PRR14L: variants seen among roughly 807,000 people sequenced by gnomAD.
PRR14L encodes proline rich 14 like.
Under a neutral mutation model 155.0 loss-of-function variants are expected in PRR14L, and 80 were observed. The observed-to-expected ratio is 0.52, with a 90% CI of 0.43 to 0.62. The LOEUF (loss-of-function observed/expected upper bound fraction) is 0.62, where lower values mean the gene tolerates loss of function less well. Among genes scored for constraint, PRR14L ranks in the 20% least tolerant of loss-of-function variants. The pLI, the probability that PRR14L is intolerant of heterozygous loss-of-function variation, is 0.00. For missense variants in PRR14L, 2,469 were observed against 2,548.0 expected, an observed-to-expected ratio of 0.97 and a Z score of 0.67; for synonymous variants, 883 against 916.0, an observed-to-expected ratio of 0.96 and a Z score of 0.65.
Position 31,708,515 on chromosome 22 carries a change from C to T in PRR14L, c.5756+3568G>A, listed in dbSNP as rs1043606562. ...CTAATTTTCCTGTTTTTAGTAGAGACGAGGTTTCACCATGTTGGCTAGGCT... is the reference window on the plus strand; with the variant it reads ...CTAATTTTCCTGTTTTTAGTAGAGATGAGGTTTCACCATGTTGGCTAGGCT... On this transcript the variant is annotated intron_variant, in intron 4 of 8. Coordinates refer to ENST00000327423, the MANE Select transcript of PRR14L (RefSeq NM_173566.3). Among the ~76,000 whole-genome samples the T allele has an allele frequency of 6.6e-5, 10 of 151,828 alleles. No individual in the cohort carries two copies. In the East Asian group the frequency reaches 1.2e-3, roughly 18 times the overall value.
In PRR14L at chr22:31,681,504, A is replaced by G. The variant is rs915554415; in HGVS notation, c.*4023T>C. ...AAATTTCATTGAACTACTGACCATGATAATATATAAACATGTCAGGCAGCT... is the reference window on the plus strand; with the variant it reads ...AAATTTCATTGAACTACTGACCATGGTAATATATAAACATGTCAGGCAGCT... On this transcript the variant is annotated 3_prime_UTR_variant, in exon 9 of 9. Coordinates refer to ENST00000327423, the MANE Select transcript of PRR14L (RefSeq NM_173566.3). 6.6e-6 allele frequency: 1 copy of G among 152,170 alleles called. No individual in the cohort carries two copies. The highest frequency in any genetic ancestry group is 1.5e-5 in the Non-Finnish European group (1 of 68,020). 9.4% of individuals were successfully genotyped at this position (152,170 alleles called of 1,614,324 possible). A position where few individuals can be genotyped will look rare whatever the true frequency, so the allele number is the denominator to read the frequency against.
intron 4 of PRR14L, among the ~76,000 whole-genome samples, chr22:31,708,890 A>C (rs990730264): frequency 6.6e-6 from 1 of 151,832 alleles, no homozygotes; most frequent in African/African-American, 2.4e-5. Flanking sequence ...GCAATGGTGC[A>C]ATCTCGGCTC....
intron 5 of PRR14L, among the ~76,000 whole-genome samples, chr22:31,704,028 C>T (rs2074577089): frequency 6.6e-6 from 1 of 151,836 alleles, no homozygotes; most frequent in African/African-American, 2.4e-5. Context: ...ATCTCCCGAC[C>T]TTAGGTGATC....
At chr22:31,733,306 T>TTTTTC (rs1346904850) in intron 2 of PRR14L, among the ~76,000 whole-genome samples, 1 of 139,666 alleles carries the variant, frequency 7.2e-6, no homozygotes, top group African/African-American at 2.7e-5. Context: ...CTGTTTTTTT[T>TTTTTC]TTTTTTTTTT....
rs2074460289 is a variant in PRR14L at position 31,682,595 on chromosome 22, AAAAAAAC to A, written c.*2925_*2931del. 1 of 152,204 alleles carries A rather than the reference AAAAAAAC, an allele frequency of 6.6e-6. No homozygotes were observed. Among genetic ancestry groups the A allele is most frequent in the African/African-American group, 2.4e-5 (1 of 41,454 alleles). The allele number at this position is 152,204 out of a possible 1,614,324, so 9.4% of individuals were successfully genotyped here. On this transcript the variant is annotated 3_prime_UTR_variant, in exon 9 of 9. Coordinates refer to ENST00000327423, the MANE Select transcript of PRR14L (RefSeq NM_173566.3). ...CACAGCTAGAAACTGAAAGATGGAA[AAAAAAAC>A]AAAAAACAAAACACAGTTGAAAGTT...
At chr22:31,700,786 C>T (rs917697993) in intron 7 of PRR14L, among the ~76,000 whole-genome samples, 4 of 152,078 alleles carry the variant, frequency 2.6e-5, no homozygotes, top group African/African-American at 9.7e-5. Context: ...AAACTCCTGA[C>T]CTTGTGATCC....
chr22:31,688,321 G>C, intron 7 of PRR14L, 94 bp from the exon 8 acceptor site: 1 of 1,385,666 alleles, frequency 7.2e-7, no homozygotes, highest in Non-Finnish European at 9.4e-7. Flanking sequence ...GAAGGGCAGT[G>C]ACATGATCAT....
chr22:31,686,384 G>C (rs2074482930), intron 8 of PRR14L, among the ~76,000 whole-genome samples: 1 of 151,210 alleles, frequency 6.6e-6, no homozygotes, highest in Admixed American at 6.6e-5. Flanking sequence ...GGGATTACAG[G>C]TGTGAGCCAC....
At chr22:31,718,084 T>C (rs1441727489) in intron 3 of PRR14L, among the ~76,000 whole-genome samples, 2 of 146,876 alleles carry the variant, frequency 1.4e-5, no homozygotes, top group Non-Finnish European at 3.0e-5. Context: ...CCCGCCACCA[T>C]GCCCGCCTAA....
At position 31,704,647 on chromosome 22, in the gene PRR14L, G is replaced by A. The variant is rs753456628; in HGVS notation, c.5828+8C>T. On this transcript the variant is annotated splice_region_variant and intron_variant, in intron 5 of 8. Coordinates refer to ENST00000327423, the MANE Select transcript of PRR14L (RefSeq NM_173566.3). ...CGCGCACACACACGCTGAGTCTCAT[G>A]TGCTTACCTCGTCTGACTGCCGCTG... 4 of 1,612,550 alleles carry A rather than the reference G, an allele frequency of 2.5e-6. No homozygotes were observed. The highest frequency in any genetic ancestry group is 2.2e-5 in the East Asian group (1 of 44,870).
chr22:31,691,222 CT>C (rs1391489280), intron 7 of PRR14L, among the ~76,000 whole-genome samples: 2 of 152,144 alleles, frequency 1.3e-5, no homozygotes, highest in Admixed American at 1.3e-4. Flanking sequence ...CCACCTCGGC[CT>C]CCCATAGTGC....
chr22:31,715,587 G>C lies in PRR14L; in HGVS notation c.2252C>G (p.Thr751Arg). Reference protein sequence around the residue: ...ERKKEMADSGTKALHSRLRSN... With the variant: ...ERKKEMADSGRKALHSRLRSN... Reference sequence around the variant, plus strand: ...GCGCAGCCTGGAATGTAGAGCTTTTGTTCCTGAATCAGCCATTTCCTTTTT... The same window carrying C: ...GCGCAGCCTGGAATGTAGAGCTTTTCTTCCTGAATCAGCCATTTCCTTTTT... Residue 751 changes from threonine to arginine, a missense_variant, in exon 4 of 9, where the codon ACA becomes AGA. This residue lies in a region of PRR14L where 2,363 missense variants were observed against 2,371.6 expected (regional missense o/e 1.00). Coordinates refer to ENST00000327423, the MANE Select transcript of PRR14L (RefSeq NM_173566.3). 1 of 1,552,032 alleles carries C rather than the reference G, an allele frequency of 6.4e-7. No individual in the cohort carries two copies. The highest frequency in any genetic ancestry group is 8.7e-7 in the Non-Finnish European group (1 of 1,147,064).
At chr22:31,740,828 G>C (rs1350431554) in intron 1 of PRR14L, among the ~76,000 whole-genome samples, 3 of 152,152 alleles carry the variant, frequency 2.0e-5, no homozygotes, top group African/African-American at 7.2e-5. Context: ...AACACAGAAA[G>C]GCGAATTAAA....
At chr22:31,724,629 C>T (rs2074707400) in intron 3 of PRR14L, among the ~76,000 whole-genome samples, 1 of 152,190 alleles carries the variant, frequency 6.6e-6, no homozygotes, top group Admixed American at 6.5e-5. Flanking sequence ...AACTCTTGGA[C>T]TTAAGCAATC....
Position 31,713,847 on chromosome 22 carries a change from A to G in PRR14L, c.3992T>C (p.Ile1331Thr), listed in dbSNP as rs1447851683. The change falls in exon 4 of 9, where the codon ATT (isoleucine) becomes ACT (threonine). Residue 1331 changes from isoleucine (I) to threonine (T), a missense_variant. By Grantham distance (89) the Ile-to-Thr change is moderately conservative (BLOSUM62 -1). This residue lies in a region of PRR14L where 2,363 missense variants were observed against 2,371.6 expected (regional missense o/e 1.00). Transcript: ENST00000327423. Reference sequence around the variant, plus strand: ...TTCGGTTTCTTCTCCTTTCACTTTAATATCTGTTTTCACTGTCAAAGGCAA... The same window carrying G: ...TTCGGTTTCTTCTCCTTTCACTTTAGTATCTGTTTTCACTGTCAAAGGCAA... Reference protein sequence around the residue: ...RHLPLTVKTDIKVKGEETEEH... With the variant: ...RHLPLTVKTDTKVKGEETEEH... 9.7e-6 allele frequency: 15 copies of G among 1,552,248 alleles called. No homozygotes were observed. The highest frequency in any genetic ancestry group is 1.4e-5 in the African/African-American group (1 of 73,132).
At chr22:31,699,821 GC>G (rs1022501235) in intron 7 of PRR14L, among the ~76,000 whole-genome samples, 48 of 151,274 alleles carry the variant, frequency 3.2e-4, no homozygotes, top group African/African-American at 1.1e-3. Flanking sequence ...TAAATTATAT[GC>G]CCAGGCTTTT....
At chr22:31,733,733 T>A (rs1014730554) in intron 2 of PRR14L, among the ~76,000 whole-genome samples, 2 of 152,170 alleles carry the variant, frequency 1.3e-5, no homozygotes, top group African/African-American at 2.4e-5. Flanking sequence ...AATGTCTGTT[T>A]CCTCATAGCC....
At chr22:31,743,092 G>C (rs894733472) in intron 1 of PRR14L, among the ~76,000 whole-genome samples, 8 of 152,112 alleles carry the variant, frequency 5.3e-5, no homozygotes, top group African/African-American at 1.9e-4. Context: ...CATGAGGTCA[G>C]GAGTTCGAGA....
In PRR14L at chr22:31,713,539, G is replaced by A. The variant is rs2074636026; in HGVS notation, c.4300C>T (p.Pro1434Ser). ...LLDDAQNQNQ[P>S]KADKDESTMI... ...GTGGACTCATCTTTGTCAGCCTTCG[G>A]TTGGTTCTGATTTTGTGCATCATCT... Residue 1434 changes from proline (P) to serine (S), a missense_variant, in exon 4 of 9, where the codon CCG (proline) becomes TCG (serine). By Grantham distance (74) the Pro-to-Ser change is moderately conservative. Transcript: ENST00000327423. The A allele has an allele frequency of 6.4e-7, 1 of 1,551,970 alleles. No individual in the cohort carries two copies. The highest frequency in any genetic ancestry group is 2.0e-5 in the Admixed American group (1 of 50,978).
Sources: allele counts gnomAD v4.1 joint callset (sites outside exome capture counted in the v4.1 genomes callset), GRCh38; gene constraint gnomAD v4.1.1; regional missense constraint gnomAD v4.1.1; transcripts MANE v1.5; gene names NCBI Gene and HGNC (gene_info 2026-07-23, HGNC 2026-07-21).